The following ACOXL variants were observed in gnomAD, a reference collection of about 807,000 sequenced individuals.
The protein encoded by ACOXL is acyl-CoA oxidase like.
ACOXL carries 70 observed loss-of-function variants against 71.9 expected under a neutral mutation model. The ratio of observed to expected loss-of-function variants is 0.97; its 90% CI spans 0.80 to 1.19. The LOEUF (loss-of-function observed/expected upper bound fraction) is 1.19. Among genes scored for constraint, ACOXL ranks in the 50% most tolerant of loss-of-function variants. The pLI is 0.00. For synonymous variants in ACOXL, 253 were observed against 281.6 expected (o/e 0.90, Z 1.02); for missense variants, 703 against 736.3 (o/e 0.95, Z 0.52).
chr2:110,804,905 T>C (rs1371975935), intron 8 of ACOXL, among the ~76,000 whole-genome samples: 1 of 152,182 alleles, frequency 6.6e-6, no homozygotes, highest in Non-Finnish European at 1.5e-5. Flanking sequence ...AATAGGATCA[T>C]GGTGATGGTT....
intron 10 of ACOXL, among the ~76,000 whole-genome samples, chr2:110,903,161 T>C (rs2059306164): frequency 6.6e-6 from 1 of 152,206 alleles, no homozygotes; most frequent in Admixed American, 6.5e-5. Flanking sequence ...GCAGGAAACA[T>C]GGGAAGTAAT....
chr2:110,903,550 C>T (rs566006651), intron 10 of ACOXL, among the ~76,000 whole-genome samples: 5 of 152,006 alleles, frequency 3.3e-5, no homozygotes, highest in East Asian at 1.9e-4. Flanking sequence ...AGCTAAGTGA[C>T]TTTTTTTTGG....
At chr2:111,084,600 T>C (rs1172518745) in intron 16 of ACOXL, among the ~76,000 whole-genome samples, 1 of 152,152 alleles carries the variant, frequency 6.6e-6, no homozygotes, top group African/African-American at 2.4e-5. Flanking sequence ...GGACTTATGA[T>C]TGACAGAGAT....
At chr2:110,952,689 C>G (rs1460674313) in intron 12 of ACOXL, among the ~76,000 whole-genome samples, 1 of 152,076 alleles carries the variant, frequency 6.6e-6, no homozygotes, top group Non-Finnish European at 1.5e-5. Context: ...CTAAAATGAT[C>G]CTCCTGCTTC....
At chr2:111,055,193 G>A (rs1037063805) in intron 16 of ACOXL, among the ~76,000 whole-genome samples, 1 of 152,162 alleles carries the variant, frequency 6.6e-6, no homozygotes, top group African/African-American at 2.4e-5. Context: ...TGTGCTCAGA[G>A]AAGGCCTTCA....
intron 12 of ACOXL, among the ~76,000 whole-genome samples, chr2:110,967,665 A>G (rs1193803537): frequency 6.6e-6 from 1 of 152,242 alleles, no homozygotes. Flanking sequence ...AAATGAAAGG[A>G]GAAATAGACA....
At chr2:110,805,234 T>C in intron 8 of ACOXL, 29 bp from the exon 9 acceptor site, 7 of 1,613,330 alleles carry the variant, frequency 4.3e-6, no homozygotes, top group Non-Finnish European at 5.9e-6. Flanking sequence ...TCCTGCTTTT[T>C]TGTGAAACCC....
chr2:110,868,806 G>A (rs1029253109), intron 10 of ACOXL, among the ~76,000 whole-genome samples: 10 of 152,180 alleles, frequency 6.6e-5, no homozygotes, highest in African/African-American at 1.2e-4. Context: ...GCCCAGGCTG[G>A]TCATGAATTC....
At chr2:110,875,505 C>G (rs993901816) in intron 10 of ACOXL, among the ~76,000 whole-genome samples, 1 of 152,198 alleles carries the variant, frequency 6.6e-6, no homozygotes, top group Non-Finnish European at 1.5e-5. Context: ...CAGACAGGCT[C>G]AGGCTGTGCA....
chr2:110,824,539 G>A (rs1034021548), intron 9 of ACOXL, among the ~76,000 whole-genome samples: 3 of 151,936 alleles, frequency 2.0e-5, no homozygotes, highest in Middle Eastern at 6.8e-3. Flanking sequence ...TCTCTTTTGG[G>A]TAATTTATAT....
In ACOXL at chr2:110,837,588, T is replaced by C. The variant is rs935374430; in HGVS notation, c.754-3783T>C. Among the ~76,000 whole-genome samples, 4 of 152,092 alleles carry C rather than the reference T, an allele frequency of 2.6e-5. No individual in the cohort carries two copies. In the East Asian group the frequency reaches 7.7e-4, roughly 29 times the overall value. On this transcript the variant is annotated intron_variant, in intron 9 of 17. Coordinates refer to ENST00000439055, the MANE Select transcript of ACOXL (RefSeq NM_001142807.4). Reference sequence around the variant, plus strand: ...AAATTATTCTCAGATTACCCTTTAATGCAGGAAGGTCTGCCTGTTGTCTGA... The same window carrying C: ...AAATTATTCTCAGATTACCCTTTAACGCAGGAAGGTCTGCCTGTTGTCTGA...
intron 9 of ACOXL, among the ~76,000 whole-genome samples, chr2:110,816,559 G>C (rs1186874148): frequency 6.6e-6 from 1 of 152,262 alleles, no homozygotes; most frequent in African/African-American, 2.4e-5. Flanking sequence ...TTTATTTCCT[G>C]CAGTGCTTAC....
intron 10 of ACOXL, among the ~76,000 whole-genome samples, chr2:110,851,664 G>A (rs1452688113): frequency 6.6e-6 from 1 of 152,206 alleles, no homozygotes; most frequent in African/African-American, 2.4e-5. Flanking sequence ...CTGCAAGGTG[G>A]CTGCAGAGCA....
chr2:110,972,090 A>G (rs1010788179), intron 12 of ACOXL, among the ~76,000 whole-genome samples: 2 of 152,084 alleles, frequency 1.3e-5, no homozygotes, highest in African/African-American at 4.8e-5. Context: ...AAAAACAGGG[A>G]CTCCTTGTTG....
At chr2:110,960,811 C>T (rs559547222) in intron 12 of ACOXL, among the ~76,000 whole-genome samples, 2 of 152,104 alleles carry the variant, frequency 1.3e-5, no homozygotes, top group South Asian at 4.1e-4. Flanking sequence ...TGTTTATAAT[C>T]ATTTGTCTCC....
At chr2:110,972,698 A>G (rs1426619739) in intron 12 of ACOXL, among the ~76,000 whole-genome samples, 2 of 152,132 alleles carry the variant, frequency 1.3e-5, no homozygotes, top group African/African-American at 4.8e-5. Flanking sequence ...TCAGCAAAGG[A>G]AAAAGACACA....
At chr2:111,083,007 G>A (rs558373913) in intron 16 of ACOXL, among the ~76,000 whole-genome samples, 1 of 152,176 alleles carries the variant, frequency 6.6e-6, no homozygotes, top group South Asian at 2.1e-4. Flanking sequence ...ACACAGGGAG[G>A]GGAAGATCAC....
At chr2:110,874,316 G>T (rs1695629960) in intron 10 of ACOXL, among the ~76,000 whole-genome samples, 2 of 152,156 alleles carry the variant, frequency 1.3e-5, no homozygotes, top group Admixed American at 6.5e-5. Flanking sequence ...TAGTTCTGTG[G>T]TTTCAGGCTC....
intron 13 of ACOXL, among the ~76,000 whole-genome samples, chr2:110,994,900 C>T (rs1218970877): frequency 6.6e-6 from 1 of 152,072 alleles, no homozygotes; most frequent in Non-Finnish European, 1.5e-5. Context: ...TGAGTTCTGC[C>T]TGTGTGACCT....
Sources: gnomAD v4.1 joint callset for allele counts (sites outside exome capture counted in the v4.1 genomes callset) on GRCh38, gnomAD v4.1.1 for gene constraint, MANE v1.5 for transcripts, NCBI Gene and HGNC (gene_info 2026-07-23, HGNC 2026-07-21) for gene names.